COLGALT1: variants seen among roughly 807,000 people sequenced by gnomAD.
COLGALT1 encodes procollagen galactosyltransferase 1.
COLGALT1 carries 43 observed loss-of-function variants against 60.8 expected under a neutral mutation model. The observed-to-expected ratio is 0.71, with a 90% CI of 0.55 to 0.91. The LOEUF (loss-of-function observed/expected upper bound fraction) is 0.91, where lower values mean the gene tolerates loss of function less well. COLGALT1 is among the 40% of genes least tolerant of loss of function. The pLI is 0.00. For synonymous variants in COLGALT1, 369 were observed against 374.2 expected (o/e 0.99, Z 0.16); for missense variants, 845 against 880.0 (o/e 0.96, Z 0.50).
chr19:17,557,623 C>T (rs2076220947), intron 1 of COLGALT1, among the ~76,000 whole-genome samples: 1 of 150,258 alleles, frequency 6.7e-6, no homozygotes, highest in Non-Finnish European at 1.5e-5. Flanking sequence ...TTTTTTGATA[C>T]AGGGTTTTAC....
At chr19:17,580,473 A>C (rs2076373430) in intron 10 of COLGALT1, 1 of 583,282 alleles carries the variant, frequency 1.7e-6, no homozygotes, top group Non-Finnish European at 3.1e-6. Flanking sequence ...CCCCAGCTCC[A>C]GATCCTCCAT....
intron 1 of COLGALT1, among the ~76,000 whole-genome samples, chr19:17,557,533 C>T (rs186148658): frequency 1.3e-5 from 2 of 151,978 alleles, no homozygotes; most frequent in South Asian, 4.2e-4. Context: ...ATCTCCTGAC[C>T]TCATGATCTG....
chr19:17,581,369 G>A lies in COLGALT1; in HGVS notation c.1794G>A (p.Gln598=). 1 of 1,613,226 alleles carries A rather than the reference G, an allele frequency of 6.2e-7. No individual in the cohort carries two copies. The highest frequency in any genetic ancestry group is 8.5e-7 in the Non-Finnish European group (1 of 1,179,974). ...RAKSQKMREQ[Q]ALSREAKNSD... ...AGTCCCAGAAGATGCGGGAGCAGCA[G>A]GCACTGAGCCGTGAGGCCAAGAACT... The change falls in exon 12 of 12, where the codon CAG becomes CAA. Residue 598 remains glutamine, a synonymous_variant. Transcript: ENST00000252599.
chr19:17,561,966 G>C (rs1004729483), intron 3 of COLGALT1, among the ~76,000 whole-genome samples: 1 of 152,144 alleles, frequency 6.6e-6, no homozygotes, highest in Non-Finnish European at 1.5e-5. Flanking sequence ...CTCCTCCTGG[G>C]TTCAAGCAAT....
intron 6 of COLGALT1, among the ~76,000 whole-genome samples, chr19:17,573,093 C>G (rs1053521704): frequency 8.6e-5 from 13 of 152,030 alleles, no homozygotes; most frequent in Non-Finnish European, 1.8e-4. Flanking sequence ...CAAGTTTTCA[C>G]TAAAGAACTG....
Position 17,555,694 on chromosome 19 carries a change from T to C in COLGALT1, c.-20T>C. Reference sequence around the variant, plus strand: ...AGAGTCCTCCCGCAGAAAAACGACTTAAAGGAGACGCGTGGCGCGATGGCG... The same window carrying C: ...AGAGTCCTCCCGCAGAAAAACGACTCAAAGGAGACGCGTGGCGCGATGGCG... On this transcript the variant is annotated 5_prime_UTR_variant, in exon 1 of 12. Transcript: ENST00000252599. 1 of 1,178,238 alleles carries C rather than the reference T, an allele frequency of 8.5e-7. No homozygotes were observed. The highest frequency in any genetic ancestry group is 1.0e-6 in the Non-Finnish European group (1 of 954,556). 73.0% of individuals were successfully genotyped at this position (1,178,238 alleles called of 1,614,324 possible). A position where few individuals can be genotyped will look rare whatever the true frequency, so the allele number is the denominator to read the frequency against.
intron 9 of COLGALT1, among the ~76,000 whole-genome samples, chr19:17,578,612 G>A (rs2076359551): frequency 6.6e-6 from 1 of 152,226 alleles, no homozygotes; most frequent in South Asian, 2.1e-4. Flanking sequence ...CTATTTGGGA[G>A]GCTAAAGTGG....
At chr19:17,563,739 C>T (rs998395530) in intron 3 of COLGALT1, among the ~76,000 whole-genome samples, 2 of 152,154 alleles carry the variant, frequency 1.3e-5, no homozygotes, top group Non-Finnish European at 2.9e-5. Context: ...GATCCACCCA[C>T]CTCGTCCTCC....
Position 17,581,210 on chromosome 19 carries a change from C to G in COLGALT1, c.1635C>G (p.Asn545Lys). The G allele has an allele frequency of 1.9e-6, 3 of 1,608,150 alleles. No individual in the cohort carries two copies. The highest frequency in any genetic ancestry group is 2.5e-6 in the Non-Finnish European group (3 of 1,178,800). Residue 545 changes from asparagine to lysine, a missense_variant, in exon 12 of 12, where the codon AAC becomes AAG. By Grantham distance (94) the Asn-to-Lys change is moderately conservative (BLOSUM62 0). Transcript: ENST00000252599. ...ACAAGGCCCACTTCTCCCTCCGCAA[C>G]CTGCATGCCTTCTCTGTGGAGCCGC... ...SEYKAHFSLRNLHAFSVEPLL... is the reference protein window; with the variant it reads ...SEYKAHFSLRKLHAFSVEPLL...
chr19:17,577,003 T>TGAGAGGCAGGACTGGGGGCGGGGTGGACC, intron 6 of COLGALT1, 192 bp from the exon 7 acceptor site: 1 of 587,596 alleles, frequency 1.7e-6, no homozygotes, highest in Non-Finnish European at 3.0e-6. Flanking sequence ...TGGCCAGGGC[T>TGAGAGGCAGGACTGGGGGCGGGGTGGACC]TTGGGCTGCT....
At position 17,559,410 on chromosome 19, in the gene COLGALT1, A is replaced by G. The variant is rs371060563; in HGVS notation, c.360A>G (p.Ala120=). ...ACCATTCCGTGGAGTGGCGGCCAGC[A>G]GAGGAGCCCAGGTGAGCATCTTTCC... ...SLYHSVEWRP[A]EEPRSYPDEE... is the part of the protein sequence containing the mutation. Residue 120 remains alanine, a synonymous_variant, in exon 2 of 12, where the codon GCA becomes GCG. Transcript: ENST00000252599. The G allele has an allele frequency of 6.4e-7, 1 of 1,551,566 alleles. No individual in the cohort carries two copies. The highest frequency in any genetic ancestry group is 2.0e-5 in the Admixed American group (1 of 50,996).
At position 17,555,805 on chromosome 19, in the gene COLGALT1, C is replaced by T; in HGVS notation, c.92C>T (p.Pro31Leu). The change falls in exon 1 of 12, where the codon CCG becomes CTG. Residue 31 changes from proline (P) to leucine (L), a missense_variant. By Grantham distance (98) the Pro-to-Leu change is moderately conservative (BLOSUM62 -3). Transcript: ENST00000252599. ...CTGGCGCCACTGCCGCCGGGGGCCCCGCCGGGCGCCGACGCCTACTTCCCC... is the reference window on the plus strand; with the variant it reads ...CTGGCGCCACTGCCGCCGGGGGCCCTGCCGGGCGCCGACGCCTACTTCCCC... ...LLLAPLPPGA[P>L]PGADAYFPEE... 15 of 1,254,550 alleles carry T rather than the reference C, an allele frequency of 1.2e-5. No individual in the cohort carries two copies. Among genetic ancestry groups the T allele is most frequent in the Non-Finnish European group, 1.5e-5 (15 of 999,050 alleles). The allele number at this position is 1,254,550 out of a possible 1,614,324, so 77.7% of individuals were successfully genotyped here.
At chr19:17,568,367 T>C in intron 4 of COLGALT1, 142 bp from the exon 5 acceptor site, 1 of 710,254 alleles carries the variant, frequency 1.4e-6, no homozygotes, top group Non-Finnish European at 2.5e-6. Flanking sequence ...CACACTGGGC[T>C]TGAGTCTGGG....
At chr19:17,570,496 C>T (rs2076306317) in intron 5 of COLGALT1, among the ~76,000 whole-genome samples, 1 of 152,126 alleles carries the variant, frequency 6.6e-6, no homozygotes, top group Non-Finnish European at 1.5e-5. Context: ...TCCTTCCCAC[C>T]TCAGCCTCCC....
chr19:17,569,891 C>CTTTTTTTTTTTTTTTTTTTTTTTTTT (rs71162156), intron 5 of COLGALT1, among the ~76,000 whole-genome samples: 1 of 98,740 alleles, frequency 1.0e-5, no homozygotes, highest in Non-Finnish European at 1.9e-5. Context: ...CCACTAATTA[C>CTTTTTTTTTTTTTTTTTTTTTTTTTT]TTTTTTTTTT....
chr19:17,563,629 G>A (rs879678476), intron 3 of COLGALT1, among the ~76,000 whole-genome samples: 2 of 152,012 alleles, frequency 1.3e-5, no homozygotes, highest in South Asian at 2.1e-4. Context: ...GATTACAGGC[G>A]TGAGCCAGCG....
At chr19:17,564,391 A>C (rs2076268300) in intron 3 of COLGALT1, among the ~76,000 whole-genome samples, 1 of 150,504 alleles carries the variant, frequency 6.6e-6, no homozygotes, top group Non-Finnish European at 1.5e-5. Context: ...TATACATATG[A>C]AACAAGAAAG....
chr19:17,567,730 G>A (rs908325143), intron 4 of COLGALT1, among the ~76,000 whole-genome samples, 190 bp downstream of exon 4: 1 of 151,748 alleles, frequency 6.6e-6, no homozygotes, highest in African/African-American at 2.4e-5. Flanking sequence ...CCTGAGCTCA[G>A]GAGTTTGAGA....
chr19:17,559,073 A>AT (rs748825344), intron 1 of COLGALT1, among the ~76,000 whole-genome samples: 11 of 151,952 alleles, frequency 7.2e-5, no homozygotes, highest in Middle Eastern at 3.4e-3. Context: ...AGACAGGAGA[A>AT]GGCGTGAACC....
Sources: gnomAD v4.1 joint callset for allele counts (sites outside exome capture counted in the v4.1 genomes callset) on GRCh38, gnomAD v4.1.1 for gene constraint, MANE v1.5 for transcripts, NCBI Gene and HGNC (gene_info 2026-07-23, HGNC 2026-07-21) for gene names.